Variants in BUD31 observed in about 807,000 individuals in gnomAD.
The protein encoded by BUD31 is BUD31 spliceosome associated protein, also known as protein BUD31 homolog.
BUD31 carries 9 observed loss-of-function variants against 17.9 expected under a neutral mutation model. The observed-to-expected ratio is 0.50, with a 90% CI of 0.30 to 0.88. The LOEUF (loss-of-function observed/expected upper bound fraction) is 0.88. Among genes scored for constraint, BUD31 ranks in the 40% least tolerant of loss-of-function variants. The pLI, the probability that BUD31 is intolerant of heterozygous loss-of-function variation, is 0.06. For missense variants in BUD31, 148 were observed against 184.5 expected (o/e 0.80, Z 1.15); for synonymous variants, 70 against 64.7 (o/e 1.08, Z -0.39).
At chr7:99,415,340 GAC>G in intron 3 of BUD31, 1 of 436,742 alleles carries the variant, frequency 2.3e-6, no homozygotes, top group South Asian at 1.6e-5. Flanking sequence ...GAGAGAGAGA[GAC>G]AGCTTATGCC....
rs547215198 is a variant in BUD31 at position 99,417,013 on chromosome 7, CT to C, written c.218-405del. The C allele has an allele frequency of 7.1e-3, 1,129 of 158,102 alleles. 1 individual carries two copies. Among genetic ancestry groups the C allele is most frequent in the South Asian group, 0.024 (176 of 7,238 alleles). The allele number at this position is 158,102 out of a possible 1,614,324, so 9.8% of individuals were successfully genotyped here. A position where few individuals can be genotyped will look rare whatever the true frequency, so the allele number is the denominator to read the frequency against. ...TGAGGCACCTTGCCTGGCCTAAGTACTTTTTTTTTTTGTTCCTCCTCCAAGG... is the reference window on the plus strand; with the variant it reads ...TGAGGCACCTTGCCTGGCCTAAGTACTTTTTTTTTTGTTCCTCCTCCAAGG... On this transcript the variant is annotated intron_variant, in intron 4 of 5. Transcript: ENST00000222969.
chr7:99,410,707 G>A (rs1795148460), intron 2 of BUD31, among the ~76,000 whole-genome samples: 1 of 152,152 alleles, frequency 6.6e-6, no homozygotes, highest in Non-Finnish European at 1.5e-5. Flanking sequence ...CCAGTATAGG[G>A]TTAAGCTTTT....
At chr7:99,411,385 G>T (rs1795177907) in intron 3 of BUD31, 199 bp downstream of exon 3, 2 of 520,376 alleles carry the variant, frequency 3.8e-6, no homozygotes, top group Middle Eastern at 5.0e-4. Context: ...CTCAGAAAAG[G>T]TGTTTTTTTT....
chr7:99,413,348 TC>T (rs756313423), intron 3 of BUD31, among the ~76,000 whole-genome samples: 5 of 152,140 alleles, frequency 3.3e-5, no homozygotes, highest in Non-Finnish European at 7.3e-5. Flanking sequence ...TGCCACCTGA[TC>T]CTGCGTGTGT....
Position 99,419,501 on chromosome 7 carries a change from C to G in BUD31, c.*60C>G, listed in dbSNP as rs369235347. 73 of 1,593,160 alleles carry G rather than the reference C, an allele frequency of 4.6e-5. No homozygotes were observed. The highest frequency in any genetic ancestry group is 1.7e-4 in the Middle Eastern group (1 of 6,020). ...CAGGTTCCTGCCTGTCACGCCACCC[C>G]CTTCCTGGGAGCAGCGAGCAGTGCC... On this transcript the variant is annotated 3_prime_UTR_variant, in exon 6 of 6. Transcript: ENST00000222969.
At chr7:99,411,592 G>A (rs868002854) in intron 3 of BUD31, among the ~76,000 whole-genome samples, 25 of 152,156 alleles carry the variant, frequency 1.6e-4, no homozygotes, top group Admixed American at 3.3e-4. Flanking sequence ...TGTAAATGGC[G>A]TGTGATCCTG....
intron 2 of BUD31, 44 bp from the exon 3 acceptor site, chr7:99,411,020 T>A: frequency 2.2e-6 from 3 of 1,334,340 alleles, no homozygotes; most frequent in Non-Finnish European, 3.2e-6. Context: ...GCAAAGGCCT[T>A]TGGGGATTTG....
At chr7:99,417,403 A>C in intron 4 of BUD31, 26 bp from the exon 5 acceptor site, 1 of 1,611,626 alleles carries the variant, frequency 6.2e-7, no homozygotes, top group Non-Finnish European at 8.5e-7. Flanking sequence ...CCATGGCCTG[A>C]TGCTCTTTCC....
intron 3 of BUD31, chr7:99,415,001 T>C (rs1285496378): frequency 1.2e-5 from 3 of 249,232 alleles, no homozygotes; most frequent in Non-Finnish European, 2.4e-5. Context: ...CTCCACATCC[T>C]TCCCAACACT....
At chr7:99,417,214 G>A (rs1015579206) in intron 4 of BUD31, 4 of 459,506 alleles carry the variant, frequency 8.7e-6, no homozygotes, top group East Asian at 4.4e-5. Flanking sequence ...TACCACGCCC[G>A]AGTAATTTTT....
intron 3 of BUD31, among the ~76,000 whole-genome samples, chr7:99,414,416 TTC>T (rs1460126857): frequency 5.3e-5 from 8 of 152,170 alleles, no homozygotes; most frequent in Non-Finnish European, 1.2e-4. Flanking sequence ...CGGCGGCTTA[TTC>T]TGTTTTTAAA....
At chr7:99,411,040 A>G (rs1045843337) in intron 2 of BUD31, 24 bp from the exon 3 acceptor site, 30 of 1,514,130 alleles carry the variant, frequency 2.0e-5, no homozygotes, top group South Asian at 6.9e-5. Context: ...GAGACTCAGA[A>G]ACCAATTCAT....
intron 4 of BUD31, 67 bp downstream of exon 4, chr7:99,416,327 A>G (rs930812328): frequency 7.1e-6 from 11 of 1,556,098 alleles, no homozygotes; most frequent in South Asian, 3.5e-5. Context: ...ACTAACCACA[A>G]TCCTTATTCT....
chr7:99,414,839 C>G (rs1455443829), intron 3 of BUD31, among the ~76,000 whole-genome samples: 1 of 152,102 alleles, frequency 6.6e-6, no homozygotes, highest in Non-Finnish European at 1.5e-5. Context: ...CTCAAGTGAC[C>G]TGCCCACCTC....
chr7:99,414,123 C>T, intron 3 of BUD31, among the ~76,000 whole-genome samples: 1 of 151,806 alleles, frequency 6.6e-6, no homozygotes, highest in Non-Finnish European at 1.5e-5. Context: ...GTTTAAATTA[C>T]TTAGCTTATT....
intron 1 of BUD31, among the ~76,000 whole-genome samples, 176 bp downstream of exon 1, chr7:99,409,421 C>T (rs1030520888): frequency 6.6e-6 from 1 of 152,086 alleles, no homozygotes; most frequent in Admixed American, 6.5e-5. Context: ...ATCTGATTAC[C>T]TCCTACGTCC....
At chr7:99,412,620 T>TA (rs1284107817) in intron 3 of BUD31, among the ~76,000 whole-genome samples, 1 of 150,912 alleles carries the variant, frequency 6.6e-6, no homozygotes, top group African/African-American at 2.4e-5. Flanking sequence ...TTTTTCTTTT[T>TA]TTTTTTTTTG....
At position 99,417,552 on chromosome 7, in the gene BUD31, G is replaced by A. The variant is rs1795570909; in HGVS notation, c.341G>A (p.Gly114Glu). Residue 114 changes from glycine (G) to glutamate (E), a missense_variant, in exon 5 of 6, where the codon GGG (glycine) becomes GAG (glutamate). By Grantham distance (98) the Gly-to-Glu change is moderately conservative (BLOSUM62 -2). Transcript: ENST00000222969. ...RCIQTRDTNF[G>E]TNCICRVPKS... ...ATTCAGACACGGGACACCAACTTCG[G>A]GACGAACTGCATCTGCCGCGTGCCC... 6.2e-7 allele frequency: 1 copy of A among 1,612,230 alleles called. No homozygotes were observed. The highest frequency in any genetic ancestry group is 1.3e-5 in the African/African-American group (1 of 74,906).
At position 99,419,388 on chromosome 7, in the gene BUD31, C is replaced by T. The variant is rs1448712289; in HGVS notation, c.385-3C>T. The T allele has an allele frequency of 6.2e-7, 1 of 1,613,100 alleles. No individual in the cohort carries two copies. Among genetic ancestry groups the T allele is most frequent in the Non-Finnish European group, 8.5e-7 (1 of 1,180,010 alleles). On this transcript the variant is annotated splice_polypyrimidine_tract_variant and splice_region_variant and intron_variant, in intron 5 of 5. Transcript: ENST00000222969. ...ATCGTCTCACTGTCCTCCTCCGTTG[C>T]AGGGCCGCATCATCGAGTGCACACA...
Sources: gnomAD v4.1 joint callset for allele counts (sites outside exome capture counted in the v4.1 genomes callset) on GRCh38, gnomAD v4.1.1 for gene constraint, MANE v1.5 for transcripts, NCBI Gene and HGNC (gene_info 2026-07-23, HGNC 2026-07-21) for gene names.